SLC25A21: variants seen among roughly 807,000 people sequenced by gnomAD.
SLC25A21 encodes the protein mitochondrial 2-oxodicarboxylate carrier.
SLC25A21 carries 47 observed loss-of-function variants against 43.8 expected under a neutral mutation model. The ratio of observed to expected loss-of-function variants is 1.07; its 90% CI spans 0.85 to 1.37. The LOEUF (loss-of-function observed/expected upper bound fraction) is 1.37, where lower values mean the gene tolerates loss of function less well. Ranked by LOEUF, SLC25A21 falls within the 40% of genes most tolerant of loss-of-function variation. The probability of loss-of-function intolerance (pLI) is 0.00; values close to 1 mark genes in which losing one functional copy is unlikely to be tolerated. For synonymous variants in SLC25A21, 131 were observed against 121.3 expected (o/e 1.08, Z -0.52); for missense variants, 352 against 350.2 (o/e 1.00, Z -0.04).
rs144254211 is a variant in SLC25A21 at position 37,074,078 on chromosome 14, G to T, written c.70+98203C>A. On this transcript the variant is annotated intron_variant, in intron 1 of 9. Transcript: ENST00000331299. ...GTTCGTCTCTGTTCAAATGGGTAAG[G>T]TAATATTTTACTTAAGAACAAAAGG... Among the ~76,000 whole-genome samples the T allele has an allele frequency of 3.3e-3, 507 of 152,004 alleles. 2 individuals are homozygous for T. Among genetic ancestry groups the T allele is most frequent in the African/African-American group, 0.011 (471 of 41,460 alleles).
chr14:36,793,483 A>C (rs1260079685), intron 3 of SLC25A21, among the ~76,000 whole-genome samples: 2 of 151,312 alleles, frequency 1.3e-5, no homozygotes, highest in African/African-American at 4.9e-5. Context: ...TAAATAGAAG[A>C]AGCCTCTCCC....
chr14:37,172,306 C>T lies in SLC25A21; in HGVS notation c.45G>A (p.Arg15=). Residue 15 remains arginine (R), a synonymous_variant, in exon 1 of 10, where the codon CGG becomes CGA. Transcript: ENST00000331299. ...CTGCAGAACCACCGGCCACGATCTGCCGAGAAGCCTCGCGCACTAAGCTGA... is the reference window on the plus strand; with the variant it reads ...CTGCAGAACCACCGGCCACGATCTGTCGAGAAGCCTCGCGCACTAAGCTGA... The part of the protein sequence containing the change: ...PEVSLVREAS[R]QIVAGGSAGL... The T allele has an allele frequency of 1.2e-6, 2 of 1,601,842 alleles. No homozygotes were observed. Among genetic ancestry groups the T allele is most frequent in the Non-Finnish European group, 1.7e-6 (2 of 1,174,428 alleles).
chr14:37,172,041 G>A, intron 1 of SLC25A21: 1 of 545,600 alleles, frequency 1.8e-6, no homozygotes, highest in Non-Finnish European at 3.2e-6. Context: ...ACAATGCCGG[G>A]AACCCGAGAG....
intron 3 of SLC25A21, among the ~76,000 whole-genome samples, chr14:36,745,249 G>A (rs1885445904): frequency 6.6e-6 from 1 of 152,212 alleles, no homozygotes; most frequent in East Asian, 1.9e-4. Context: ...ATTATTGACG[G>A]ATATTTGGGT....
At chr14:36,951,859 C>T (rs1594714848) in intron 1 of SLC25A21, among the ~76,000 whole-genome samples, 1 of 152,162 alleles carries the variant, frequency 6.6e-6, no homozygotes, top group East Asian at 1.9e-4. Context: ...AAGTAGAGGA[C>T]TCCTGCAATG....
intron 1 of SLC25A21, among the ~76,000 whole-genome samples, chr14:36,948,866 C>A (rs1309974634): frequency 1.3e-5 from 2 of 152,008 alleles, no homozygotes; most frequent in African/African-American, 4.8e-5. Flanking sequence ...AAAATAAATT[C>A]CACCTGTTTC....
chr14:37,032,854 C>T (rs1335207124), intron 1 of SLC25A21, among the ~76,000 whole-genome samples: 2 of 151,938 alleles, frequency 1.3e-5, no homozygotes, highest in African/African-American at 4.8e-5. Flanking sequence ...ATCTGCGTAC[C>T]GCCCTTTGGA....
chr14:36,837,660 A>G (rs74766219), intron 2 of SLC25A21, among the ~76,000 whole-genome samples: 146 of 152,246 alleles, frequency 9.6e-4, no homozygotes, highest in African/African-American at 3.3e-3. Context: ...GGGCTGACCT[A>G]GGCTGGGATT....
At chr14:36,997,818 T>C (rs1438600131) in intron 1 of SLC25A21, among the ~76,000 whole-genome samples, 1 of 116,432 alleles carries the variant, frequency 8.6e-6, no homozygotes, top group Non-Finnish European at 1.8e-5. Context: ...AGACTCTGTC[T>C]CAAAAAAAAA....
intron 1 of SLC25A21, among the ~76,000 whole-genome samples, chr14:37,096,900 T>C (rs1356264086): frequency 6.6e-6 from 1 of 152,148 alleles, no homozygotes; most frequent in Admixed American, 6.5e-5. Context: ...TGAAGTCATA[T>C]TTTCCTGAAT....
At chr14:36,993,117 A>C (rs1286749190) in intron 1 of SLC25A21, among the ~76,000 whole-genome samples, 5 of 152,204 alleles carry the variant, frequency 3.3e-5, no homozygotes, top group African/African-American at 9.6e-5. Context: ...CAATAATCAT[A>C]AACATTTACT....
At chr14:36,746,248 T>C (rs974070671) in intron 3 of SLC25A21, among the ~76,000 whole-genome samples, 1 of 152,152 alleles carries the variant, frequency 6.6e-6, no homozygotes, top group Non-Finnish European at 1.5e-5. Flanking sequence ...TGGTATGCCA[T>C]GGAATACTAC....
At chr14:37,063,160 C>T (rs554015086) in intron 1 of SLC25A21, among the ~76,000 whole-genome samples, 3 of 152,132 alleles carry the variant, frequency 2.0e-5, no homozygotes, top group East Asian at 3.9e-4. Context: ...TTACCTCCAC[C>T]GGGTCCCTCT....
At chr14:37,151,752 A>C (rs1963762369) in intron 1 of SLC25A21, among the ~76,000 whole-genome samples, 1 of 152,160 alleles carries the variant, frequency 6.6e-6, no homozygotes, top group Admixed American at 6.5e-5. Context: ...CCTCATCTTC[A>C]AGAAATTACA....
chr14:36,713,306 GACTAA>G (rs1335359540), intron 6 of SLC25A21, among the ~76,000 whole-genome samples: 8 of 152,072 alleles, frequency 5.3e-5, no homozygotes, highest in Non-Finnish European at 7.4e-5. Flanking sequence ...GAATTAGGAT[GACTAA>G]ACTAAGGATT....
intron 1 of SLC25A21, among the ~76,000 whole-genome samples, chr14:37,141,925 C>T (rs566254348): frequency 1.3e-5 from 2 of 152,294 alleles, no homozygotes; most frequent in South Asian, 2.1e-4. Flanking sequence ...GTAAAAAATG[C>T]TGATTCCTGG....
chr14:36,954,514 T>C (rs1959282112), intron 1 of SLC25A21, among the ~76,000 whole-genome samples: 6 of 151,518 alleles, frequency 4.0e-5, no homozygotes. Flanking sequence ...AAATAATATA[T>C]ATTTAATTGG....
chr14:36,874,345 G>C (rs1294110919), intron 2 of SLC25A21, among the ~76,000 whole-genome samples: 1 of 152,132 alleles, frequency 6.6e-6, no homozygotes, highest in Non-Finnish European at 1.5e-5. Flanking sequence ...CAGTAATTCA[G>C]CCACAGGTTT....
chr14:36,958,820 A>G (rs1432353333), intron 1 of SLC25A21, among the ~76,000 whole-genome samples: 2 of 152,236 alleles, frequency 1.3e-5, no homozygotes, highest in Non-Finnish European at 2.9e-5. Flanking sequence ...GAGTGGACAG[A>G]ACCAGGCCTG....
Sources: gnomAD v4.1 joint callset for allele counts (sites outside exome capture counted in the v4.1 genomes callset) on GRCh38, gnomAD v4.1.1 for gene constraint, MANE v1.5 for transcripts, NCBI Gene and HGNC (gene_info 2026-07-23, HGNC 2026-07-21) for gene names.